CNKSR2: variants seen among roughly 807,000 people sequenced by gnomAD.
CNKSR2 encodes connector enhancer of kinase suppressor of Ras 2, also known as CNK homolog protein 2.
CNKSR2 carries 14 observed loss-of-function variants against 84.4 expected under a neutral mutation model. That is an observed-to-expected ratio of 0.17 (90% confidence interval 0.11 to 0.26). The LOEUF is 0.26. Among genes scored for constraint, CNKSR2 ranks in the 10% least tolerant of loss-of-function variants. The pLI is 1.00. For synonymous variants in CNKSR2, 275 were observed against 277.9 expected, an observed-to-expected ratio of 0.99 and a Z score of 0.10; for missense variants, 485 against 771.2, an observed-to-expected ratio of 0.63 and a Z score of 4.40.
chrX:21,622,973 C>G (rs1470089530), intron 20 of CNKSR2, among the ~76,000 whole-genome samples: 1 of 111,063 alleles, frequency 9.0e-6, no homozygotes. Context: ...TATTTTTAAG[C>G]CTGTGTTCTT....
intron 5 of CNKSR2, among the ~76,000 whole-genome samples, chrX:21,486,506 C>T (rs954222887): frequency 1.8e-5 from 2 of 111,892 alleles, no homozygotes; most frequent in African/African-American, 6.5e-5. Flanking sequence ...AGTCCTTCTG[C>T]CATGCTAATG....
At chrX:21,473,602 A>G (rs1297721008) in intron 5 of CNKSR2, among the ~76,000 whole-genome samples, 2 of 109,621 alleles carry the variant, frequency 1.8e-5, no homozygotes, top group East Asian at 2.8e-4. Context: ...GGGGATATTA[A>G]TATCTTTCAT....
intron 10 of CNKSR2, among the ~76,000 whole-genome samples, chrX:21,529,237 C>G (rs1193551566): frequency 9.0e-6 from 1 of 110,510 alleles, no homozygotes. Context: ...ACATTTAATC[C>G]AGAAAAAAAG....
intron 1 of CNKSR2, among the ~76,000 whole-genome samples, chrX:21,408,596 CCTCCA>C (rs994015086): frequency 2.7e-5 from 3 of 111,029 alleles, no homozygotes; most frequent in Admixed American, 9.6e-5. Flanking sequence ...CCTCCCCCAA[CCTCCA>C]CTCCACTCCA....
chrX:21,558,552 T>TA (rs770074536), intron 11 of CNKSR2, among the ~76,000 whole-genome samples: 3,968 of 102,142 alleles, frequency 0.039, 69 homozygotes, highest in Non-Finnish European at 0.043. Flanking sequence ...ATAATTCTGT[T>TA]AAAAAAAAAA....
chrX:21,481,299 G>A (rs1229046178), intron 5 of CNKSR2, among the ~76,000 whole-genome samples: 1 of 112,062 alleles, frequency 8.9e-6, no homozygotes, highest in African/African-American at 3.2e-5. Context: ...AGTAAGTGGT[G>A]AAGTTACTAT....
chrX:21,647,886 T>G (rs1466684537), intron 20 of CNKSR2, among the ~76,000 whole-genome samples: 1 of 111,685 alleles, frequency 9.0e-6, no homozygotes, highest in Non-Finnish European at 1.9e-5. Flanking sequence ...AAAAAGATGA[T>G]ATAGCCCTAC....
At chrX:21,578,464 A>G (rs180769881) in intron 13 of CNKSR2, among the ~76,000 whole-genome samples, 1 of 109,992 alleles carries the variant, frequency 9.1e-6, no homozygotes, top group African/African-American at 3.3e-5. Context: ...TAGGTCAGCT[A>G]TATACTTAAA....
chrX:21,446,357 GTA>G (rs1490806271), intron 4 of CNKSR2, among the ~76,000 whole-genome samples: 6 of 111,259 alleles, frequency 5.4e-5, no homozygotes, highest in African/African-American at 2.0e-4. Flanking sequence ...AAAGGTGTGT[GTA>G]TGAGAATATT....
intron 11 of CNKSR2, among the ~76,000 whole-genome samples, chrX:21,555,286 A>G (rs1013692798): frequency 1.8e-5 from 2 of 111,575 alleles, no homozygotes; most frequent in Non-Finnish European, 3.8e-5. Context: ...TTTATATTTG[A>G]TTTGTATTAT....
intron 13 of CNKSR2, among the ~76,000 whole-genome samples, chrX:21,571,936 A>G (rs1048800763): frequency 9.0e-6 from 1 of 111,564 alleles, no homozygotes; most frequent in Non-Finnish European, 1.9e-5. Context: ...ATAACAACCA[A>G]TTTCTCTCCG....
intron 1 of CNKSR2, chrX:21,425,113 C>G (rs780950263): frequency 5.5e-4 from 62 of 111,750 alleles, no homozygotes; most frequent in African/African-American, 1.8e-3. Context: ...CAGACTCTCT[C>G]TCTCAATCCC....
At chrX:21,598,110 G>A (rs541459804) in intron 17 of CNKSR2, among the ~76,000 whole-genome samples, 2 of 109,347 alleles carry the variant, frequency 1.8e-5, no homozygotes, top group South Asian at 7.8e-4. Flanking sequence ...CTTCTATTTT[G>A]AGAAGCAGTA....
intron 1 of CNKSR2, among the ~76,000 whole-genome samples, chrX:21,411,160 T>TA (rs2147011591): frequency 9.0e-6 from 1 of 111,311 alleles, no homozygotes; most frequent in African/African-American, 3.3e-5. Flanking sequence ...TTTCTGGAAT[T>TA]ACCACTTTTG....
intron 21 of CNKSR2, 51 bp from the exon 22 acceptor site, chrX:21,652,254 CT>C: frequency 9.6e-7 from 1 of 1,046,204 alleles, no homozygotes. Context: ...TTATTTTAAA[CT>C]TGAATAAAAC....
chrX:21,464,403 T>C (rs933154725), intron 4 of CNKSR2, among the ~76,000 whole-genome samples: 5 of 112,028 alleles, frequency 4.5e-5, no homozygotes, highest in African/African-American at 1.6e-4. Context: ...TTCAATGATA[T>C]GAAGTTAAAA....
intron 5 of CNKSR2, among the ~76,000 whole-genome samples, chrX:21,474,152 T>C (rs2091234972): frequency 9.0e-6 from 1 of 111,115 alleles, no homozygotes; most frequent in Non-Finnish European, 1.9e-5. Flanking sequence ...TGTGAGTTAG[T>C]TTTAATGTTT....
chrX:21,385,870 T>C (rs1171187643), intron 1 of CNKSR2, among the ~76,000 whole-genome samples: 3 of 110,298 alleles, frequency 2.7e-5, no homozygotes, highest in Non-Finnish European at 3.8e-5. Flanking sequence ...TGCGCGTGTG[T>C]ATGCACGATG....
intron 9 of CNKSR2, among the ~76,000 whole-genome samples, chrX:21,519,711 C>T (rs933081966): frequency 3.6e-5 from 4 of 110,869 alleles, no homozygotes; most frequent in East Asian, 2.8e-4. Flanking sequence ...TAATCTGTGG[C>T]GTTTATTTAA....
Sources: gnomAD v4.1 joint callset for allele counts (sites outside exome capture counted in the v4.1 genomes callset) on GRCh38, gnomAD v4.1.1 for gene constraint, MANE v1.5 for transcripts, NCBI Gene and HGNC (gene_info 2026-07-23, HGNC 2026-07-21) for gene names.